The following MUC5B variants were observed in gnomAD, a reference collection of about 807,000 sequenced individuals.
MUC5B encodes the protein mucin 5B, oligomeric mucus/gel-forming, also known as mucin-5B.
MUC5B carries 116 observed loss-of-function variants against 376.9 expected under a neutral mutation model. The observed-to-expected ratio is 0.31, with a 90% confidence interval of 0.26 to 0.36. The LOEUF (loss-of-function observed/expected upper bound fraction) is 0.36. MUC5B is among the 10% of genes least tolerant of loss of function. MUC5B has a pLI of 1.00. For synonymous variants in MUC5B, 3,517 were observed against 3,390.9 expected, an observed-to-expected ratio of 1.04 and a Z score of -1.29; for missense variants, 7,165 against 7,769.9, an observed-to-expected ratio of 0.92 and a Z score of 2.93.
In MUC5B at chr11:1,246,077, T is replaced by G; in HGVS notation, c.9197T>G (p.Phe3066Cys). 2 of 1,610,674 alleles carry G rather than the reference T, an allele frequency of 1.2e-6. No homozygotes were observed. The highest frequency in any genetic ancestry group is 1.7e-6 in the Non-Finnish European group (2 of 1,179,040). Residue 3066 changes from phenylalanine (F) to cysteine (C), a missense_variant, in exon 31 of 49, where the codon TTT (phenylalanine) becomes TGT (cysteine). Coordinates refer to ENST00000529681, the MANE Select transcript of MUC5B (RefSeq NM_002458.3). ...STATKSTATS[F>C]TPIPSFTLGT... Reference sequence around the variant, plus strand: ...GCCACCAAATCCACAGCTACCAGCTTTACACCCATCCCCTCCTTCACCCTT... The same window carrying G: ...GCCACCAAATCCACAGCTACCAGCTGTACACCCATCCCCTCCTTCACCCTT...
chr11:1,241,059 G>A lies in MUC5B; in HGVS notation c.4179G>A (p.Leu1393=), dbSNP rs1268748306. 2 of 1,612,292 alleles carry A rather than the reference G, an allele frequency of 1.2e-6. No individual in the cohort carries two copies. Among genetic ancestry groups the A allele is most frequent in the Non-Finnish European group, 1.7e-6 (2 of 1,179,712 alleles). The part of the protein sequence containing the change: ...AQLPDMPLEE[L]GQQVDCDRMR... ...TTCCCGACATGCCGCTGGAGGAGCT[G>A]GGCCAGCAGGTGGACTGTGACCGCA... Residue 1393 remains leucine (L), a synonymous_variant, in exon 31 of 49, where the codon CTG becomes CTA. Transcript: ENST00000529681.
chr11:1,232,604 G>A (rs755696343), intron 16 of MUC5B, 40 bp from the exon 17 acceptor site: 2 of 1,601,886 alleles, frequency 1.2e-6, no homozygotes, highest in Non-Finnish European at 1.7e-6. Flanking sequence ...GCCCTGGCAG[G>A]CTGGGGTCCC....
Position 1,247,469 on chromosome 11 carries a change from C to T in MUC5B, c.10589C>T (p.Pro3530Leu), listed in dbSNP as rs571228339. The change falls in exon 31 of 49, where the codon CCG becomes CTG. Residue 3530 changes from proline to leucine, a missense_variant. Pro to Leu is a moderately conservative substitution (Grantham distance 98). This residue lies in a region of MUC5B where 939 missense variants were observed against 770.6 expected (regional missense o/e 1.22). Transcript: ENST00000529681. ...CCCCCTTCTCCAGGGACGACCACCCCGGGCCACACCAGGGGCACCTCCAGG... is the reference window on the plus strand; with the variant it reads ...CCCCCTTCTCCAGGGACGACCACCCTGGGCCACACCAGGGGCACCTCCAGG... Reference protein sequence around the residue: ...ESPPSPGTTTPGHTRGTSRTT... With the variant: ...ESPPSPGTTTLGHTRGTSRTT... 283 of 1,608,332 alleles carry T rather than the reference C, an allele frequency of 1.8e-4. 3 individuals carry two copies. In the Middle Eastern group the frequency reaches 1.8e-3, roughly 10 times the overall value.
rs767177471 is a variant in MUC5B, at chr11:1,236,482, C to G, written c.2977C>G (p.Leu993Val). The G allele has an allele frequency of 5.6e-6, 9 of 1,613,060 alleles. No individual in the cohort carries two copies. The highest frequency in any genetic ancestry group is 7.6e-6 in the Non-Finnish European group (9 of 1,179,844). Residue 993 changes from leucine (L) to valine (V), a missense_variant, in exon 24 of 49, where the codon CTG becomes GTG. This residue lies in a region of MUC5B where 530 missense variants were observed against 604.0 expected (regional missense o/e 0.88). Coordinates refer to ENST00000529681, the MANE Select transcript of MUC5B (RefSeq NM_002458.3). ...CAAGATACGCTACATGGGGATCTTC[C>G]TGGTCATCGAGACCCACGGGATGGC... ...PYKIRYMGIF[L>V]VIETHGMAVS...
rs1862906651 is a variant in MUC5B, at chr11:1,258,496, TGGACACGTCAGAGCTG to T, written c.16593+135_16593+150del. The T allele has an allele frequency of 9.8e-6, 11 of 1,120,982 alleles. 1 individual carries two copies. The South Asian group carries it at 1.7e-4, about 17-fold the overall frequency. The allele number at this position is 1,120,982 out of a possible 1,614,324, so 69.4% of individuals were successfully genotyped here. ...TGAGGGCCGATCCGCACAGGGGCCC[TGGACACGTCAGAGCTG>T]GGACATGCTTGGGACTCAGGGGCAC... On this transcript the variant is annotated intron_variant, in intron 43 of 48. Transcript: ENST00000529681. The surrounding 1 kb of genome is among the most constrained non-coding windows in gnomAD (Gnocchi z 5.5).
chr11:1,244,495 G>A lies in MUC5B; in HGVS notation c.7615G>A (p.Ala2539Thr). The A allele has an allele frequency of 6.5e-7, 1 of 1,535,060 alleles. No homozygotes were observed. The highest frequency in any genetic ancestry group is 8.9e-7 in the Non-Finnish European group (1 of 1,118,156). The change falls in exon 31 of 49, where the codon GCC (alanine) becomes ACC (threonine). Residue 2539 changes from alanine (A) to threonine (T), a missense_variant. By Grantham distance (58) the Ala-to-Thr change is moderately conservative. This residue lies in a region of MUC5B where 194 missense variants were observed against 268.5 expected (regional missense o/e 0.72). Coordinates refer to ENST00000529681, the MANE Select transcript of MUC5B (RefSeq NM_002458.3). Reference sequence around the variant, plus strand: ...CACACCCACAGCTACCAGCTTTACAGCCATCCCCTCCTCCTCCCTGGGCAC... The same window carrying A: ...CACACCCACAGCTACCAGCTTTACAACCATCCCCTCCTCCTCCCTGGGCAC... ...ATTPTATSFTAIPSSSLGTTW... is the reference protein window; with the variant it reads ...ATTPTATSFTTIPSSSLGTTW...
chr11:1,227,490 G>T, intron 6 of MUC5B, 92 bp downstream of exon 6: 1 of 1,013,254 alleles, frequency 9.9e-7, no homozygotes. Context: ...GCGGAGTGGG[G>T]ACCGGGCACC....
Position 1,258,167 on chromosome 11 carries a change from C to G in MUC5B, c.16519C>G (p.Gln5507Glu), listed in dbSNP as rs769891993. The G allele has an allele frequency of 1.2e-6, 2 of 1,601,876 alleles. No individual in the cohort carries two copies. Among genetic ancestry groups the G allele is most frequent in the South Asian group, 1.1e-5 (1 of 88,816 alleles). Residue 5507 changes from glutamine to glutamate, a missense_variant, in exon 42 of 49, where the codon CAG (glutamine) becomes GAG (glutamate). Gln to Glu is a conservative substitution (Grantham distance 29). This residue lies in a region of MUC5B where 842 missense variants were observed against 1,016.9 expected (regional missense o/e 0.83). Transcript: ENST00000529681. This position sits in a 1 kb window ranked among gnomAD's most constrained non-coding sequence, Gnocchi z 5.5. ...CPPGQESICT[Q>E]EEGDCCPTFR... ...GCCAGGGCAGGAGTCCATCTGCACC[C>G]AGGAGGAGGGCGACTGCTGTCCCAC... is the stretch of plus-strand genomic sequence containing the variant.
chr11:1,252,109 G>A (rs543939453), intron 31 of MUC5B, among the ~76,000 whole-genome samples: 1 of 150,020 alleles, frequency 6.7e-6, no homozygotes, highest in Non-Finnish European at 1.5e-5. Context: ...GGCCACACTC[G>A]GTCCCCACTG....
Position 1,243,922 on chromosome 11 carries a change from G to T in MUC5B, c.7042G>T (p.Gly2348Ter). 1 of 1,607,180 alleles carries T rather than the reference G, an allele frequency of 6.2e-7. No homozygotes were observed. The highest frequency in any genetic ancestry group is 8.5e-7 in the Non-Finnish European group (1 of 1,176,940). The stretch of plus-strand genomic sequence containing the variant: ...CACCTACTCCAACATCCGTGCGGCC[G>T]GAGGGGCCGTCTGTGAGCAGCCCCT... Reference protein sequence around the residue: ...FDTYSNIRAAGGAVCEQPLGL... With the variant: ...FDTYSNIRAA The change falls in exon 31 of 49, where the codon GGA becomes TGA. Residue 2348 changes from glycine to a stop codon, truncating the protein, a stop_gained. Coordinates refer to ENST00000529681, the MANE Select transcript of MUC5B (RefSeq NM_002458.3). LOFTEE classifies it high-confidence loss of function.
rs748823579 is a variant in MUC5B at position 1,250,799 on chromosome 11, C to T, written c.13919C>T (p.Ser4640Phe). Residue 4640 changes from serine to phenylalanine, a missense_variant, in exon 31 of 49, where the codon TCC becomes TTC. Physicochemically the swap from Ser to Phe is radical, Grantham distance 155 (BLOSUM62 -2). Coordinates refer to ENST00000529681, the MANE Select transcript of MUC5B (RefSeq NM_002458.3). Reference protein sequence around the residue: ...PTTSGSTVTPSSIPGTTHTAR... With the variant: ...PTTSGSTVTPFSIPGTTHTAR... ...ACCAGTGGCTCCACGGTGACCCCCT[C>T]CTCCATCCCGGGGACCACCCACACC... 3 of 1,613,498 alleles carry T rather than the reference C, an allele frequency of 1.9e-6. No individual in the cohort carries two copies. Among genetic ancestry groups the T allele is most frequent in the South Asian group, 1.1e-5 (1 of 91,072 alleles).
Position 1,231,427 on chromosome 11 carries a change from C to T in MUC5B, c.1545C>T (p.Asn515=). 1.2e-6 allele frequency: 2 copies of T among 1,610,138 alleles called. No individual in the cohort carries two copies. Among genetic ancestry groups the T allele is most frequent in the African/African-American group, 1.3e-5 (1 of 75,008 alleles). ...TCTCCCCCACACTCCCGGCAGCCAACATCACCCTGTTCACACCCTCGAGCT... is the reference window on the plus strand; with the variant it reads ...TCTCCCCCACACTCCCGGCAGCCAATATCACCCTGTTCACACCCTCGAGCT... The part of the protein sequence containing the change: ...IYTQLPLSAA[N]ITLFTPSSFF... The change falls in exon 14 of 49, where the codon AAC becomes AAT. Residue 515 remains asparagine, a synonymous_variant. Coordinates refer to ENST00000529681, the MANE Select transcript of MUC5B (RefSeq NM_002458.3).
At chr11:1,236,849 G>C (rs899415946) in intron 24 of MUC5B, 76 bp from the exon 25 acceptor site, 1 of 1,391,422 alleles carries the variant, frequency 7.2e-7, no homozygotes, top group African/African-American at 1.5e-5. Flanking sequence ...CTGGAGCCCA[G>C]GGTGGGCTCT....
In MUC5B at chr11:1,247,404, C is replaced by T. The variant is rs377173925; in HGVS notation, c.10524C>T (p.Ala3508=). The T allele has an allele frequency of 1.9e-6, 3 of 1,609,972 alleles. No homozygotes were observed. Among genetic ancestry groups the T allele is most frequent in the Middle Eastern group, 2.3e-4 (1 of 4,438 alleles). The part of the protein sequence containing the change: ...TTSTTQHSTP[A]LSSPHPSSRT... ...GTACCACCCAGCACTCGACTCCAGC[C>T]CTGTCCAGCCCTCACCCTAGCAGCA... The change falls in exon 31 of 49, where the codon GCC becomes GCT. Residue 3508 remains alanine, a synonymous_variant. Transcript: ENST00000529681.
Position 1,242,686 on chromosome 11 carries a change from C to T in MUC5B, c.5806C>T (p.Pro1936Ser), listed in dbSNP as rs767630157. 10 of 1,613,658 alleles carry T rather than the reference C, an allele frequency of 6.2e-6. No homozygotes were observed. The highest frequency in any genetic ancestry group is 2.2e-5 in the South Asian group (2 of 91,070). ...CTCCACCCTGAGAACAGCTCCCCCT[C>T]CCAAAGTGCTGACCACCACGGCCAC... ...PTSTLRTAPP[P>S]KVLTTTATTP... Residue 1936 changes from proline to serine, a missense_variant, in exon 31 of 49, where the codon CCC becomes TCC. Around this residue, in one of 31 missense-constraint regions of MUC5B, gnomAD observed 897 missense variants for 779.6 expected, o/e 1.15. Coordinates refer to ENST00000529681, the MANE Select transcript of MUC5B (RefSeq NM_002458.3).
At chr11:1,235,999 G>A (rs1862148373) in intron 23 of MUC5B, among the ~76,000 whole-genome samples, 1 of 152,220 alleles carries the variant, frequency 6.6e-6, no homozygotes, top group Non-Finnish European at 1.5e-5. Flanking sequence ...AGCTCCCAGG[G>A]GATAAAGCAG....
chr11:1,231,029 C>G, intron 13 of MUC5B, 24 bp downstream of exon 13: 6 of 1,565,066 alleles, frequency 3.8e-6, no homozygotes, highest in Non-Finnish European at 5.2e-6. Flanking sequence ...CCAGGACGGC[C>G]GGGCTGGGTG....
rs752892841 is a variant in MUC5B, at chr11:1,230,564, G to T, written c.1434G>T (p.Leu478=). The T allele has an allele frequency of 3.7e-6, 6 of 1,611,568 alleles. No homozygotes were observed. In the East Asian group the frequency reaches 1.1e-4, roughly 30 times the overall value. ...KCGLTDNENC[L]KAVTLSLDGG... is the part of the protein sequence containing the mutation. ...GCCTGACGGACAACGAGAACTGCCT[G>T]AAAGCGGTGACGCTCAGCCTGGACG... Residue 478 remains leucine (L), a synonymous_variant, in exon 12 of 49, where the codon CTG becomes CTT. Coordinates refer to ENST00000529681, the MANE Select transcript of MUC5B (RefSeq NM_002458.3).
Position 1,244,124 on chromosome 11 carries a change from C to T in MUC5B, c.7244C>T (p.Pro2415Leu). 6.2e-7 allele frequency: 1 copy of T among 1,611,850 alleles called. No homozygotes were observed. Among genetic ancestry groups the T allele is most frequent in the Non-Finnish European group, 8.5e-7 (1 of 1,179,192 alleles). The change falls in exon 31 of 49, where the codon CCC becomes CTC. Residue 2415 changes from proline to leucine, a missense_variant. Coordinates refer to ENST00000529681, the MANE Select transcript of MUC5B (RefSeq NM_002458.3). ...TTCTGCTGCAACTACGGCCACTGCCCCAGCACCCCGGCCACCAGCTCTACG... is the reference window on the plus strand; with the variant it reads ...TTCTGCTGCAACTACGGCCACTGCCTCAGCACCCCGGCCACCAGCTCTACG... Reference protein sequence around the residue: ...RVFCCNYGHCPSTPATSSTAM... With the variant: ...RVFCCNYGHCLSTPATSSTAM...
Sources: gnomAD v4.1 joint callset for allele counts (sites outside exome capture counted in the v4.1 genomes callset) on GRCh38, gnomAD v4.1.1 for gene constraint, gnomAD v4.1.1 regional missense constraint, Gnocchi (gnomAD v3.1) non-coding constraint, MANE v1.5 for transcripts, NCBI Gene and HGNC (gene_info 2026-07-23, HGNC 2026-07-21) for gene names.